MARCHF4: variants seen among roughly 807,000 people sequenced by gnomAD.
MARCHF4 encodes membrane associated ring-CH-type finger 4.
Under a neutral mutation model 43.9 loss-of-function variants are expected in MARCHF4, and 14 were observed. The ratio of observed to expected loss-of-function variants is 0.32; its 90% CI spans 0.21 to 0.50. MARCHF4 has a LOEUF of 0.50. MARCHF4 is among the 20% of genes least tolerant of loss of function. The probability of loss-of-function intolerance (pLI) is 0.98; values close to 1 mark genes in which losing one functional copy is unlikely to be tolerated. For missense variants in MARCHF4, 468 were observed against 536.7 expected (o/e 0.87, Z 1.27); for synonymous variants, 226 against 213.3 (o/e 1.06, Z -0.52).
chr2:216,327,801 G>A (rs1241495192), intron 1 of MARCHF4, among the ~76,000 whole-genome samples: 2 of 152,204 alleles, frequency 1.3e-5, no homozygotes, highest in African/African-American at 4.8e-5. Context: ...TGCCCAGGCA[G>A]AGGGTAAGCA....
intron 1 of MARCHF4, among the ~76,000 whole-genome samples, chr2:216,309,396 G>T (rs966193442): frequency 6.6e-6 from 1 of 152,136 alleles, no homozygotes; most frequent in Non-Finnish European, 1.5e-5. Context: ...ACACAGGCAC[G>T]ATCTCCCTAT....
intron 3 of MARCHF4, among the ~76,000 whole-genome samples, chr2:216,275,154 A>C (rs954010022): frequency 2.4e-4 from 37 of 152,228 alleles, no homozygotes; most frequent in African/African-American, 8.7e-4. Context: ...CTCCCAATAA[A>C]TTGAAGGACT....
At chr2:216,348,755 A>G (rs1430734650) in intron 1 of MARCHF4, among the ~76,000 whole-genome samples, 3 of 152,142 alleles carry the variant, frequency 2.0e-5, no homozygotes, top group Non-Finnish European at 4.4e-5. Context: ...GAAATCCAAG[A>G]ACCCTCTTTT....
chr2:216,339,450 C>T (rs184117672), intron 1 of MARCHF4, among the ~76,000 whole-genome samples: 2 of 152,344 alleles, frequency 1.3e-5, no homozygotes, highest in Non-Finnish European at 2.9e-5. Context: ...GTGCAGGTTG[C>T]TCTGACTCTA....
chr2:216,263,435 A>AAGAG (rs10557836), intron 3 of MARCHF4, among the ~76,000 whole-genome samples: 7 of 137,354 alleles, frequency 5.1e-5, no homozygotes, highest in Non-Finnish European at 9.2e-5. Flanking sequence ...CTGAAAGAGA[A>AAGAG]AGAGAGAGAG....
intron 1 of MARCHF4, among the ~76,000 whole-genome samples, chr2:216,322,837 C>T (rs749135770): frequency 5.3e-5 from 8 of 152,066 alleles, no homozygotes; most frequent in African/African-American, 1.7e-4. Context: ...AAAAAAGAAC[C>T]GGTCTCAAGA....
intron 1 of MARCHF4, among the ~76,000 whole-genome samples, chr2:216,332,133 G>A (rs1477590208): frequency 6.6e-6 from 1 of 152,166 alleles, no homozygotes; most frequent in African/African-American, 2.4e-5. Flanking sequence ...GCTCATGCCT[G>A]TAATCCCAGC....
chr2:216,300,028 G>T (rs868690267), intron 1 of MARCHF4, among the ~76,000 whole-genome samples: 2 of 152,134 alleles, frequency 1.3e-5, no homozygotes, highest in South Asian at 4.1e-4. Flanking sequence ...GGCTTACTTC[G>T]GAGTCAGTGT....
intron 2 of MARCHF4, among the ~76,000 whole-genome samples, chr2:216,281,136 A>G (rs1225025244): frequency 6.9e-6 from 1 of 145,184 alleles, no homozygotes; most frequent in Admixed American, 7.2e-5. Flanking sequence ...TGGCATAATC[A>G]TAGCTCACTA....
chr2:216,315,734 G>A (rs1436417434), intron 1 of MARCHF4, among the ~76,000 whole-genome samples: 2 of 152,114 alleles, frequency 1.3e-5, no homozygotes, highest in Non-Finnish European at 2.9e-5. Context: ...TTCTCTAAGC[G>A]ATGAGATTAC....
intron 1 of MARCHF4, among the ~76,000 whole-genome samples, chr2:216,306,293 A>G (rs190846040): frequency 8.5e-5 from 13 of 152,262 alleles, no homozygotes; most frequent in Non-Finnish European, 1.6e-4. Flanking sequence ...CCCATTTCTA[A>G]TTTAATGTTA....
chr2:216,347,478 T>C (rs1338062916), intron 1 of MARCHF4, among the ~76,000 whole-genome samples: 1 of 152,190 alleles, frequency 6.6e-6, no homozygotes, highest in Admixed American at 6.5e-5. Context: ...TCCGTTTCTC[T>C]TTATCCAGAG....
At position 216,310,316 on chromosome 2, in the gene MARCHF4, C is replaced by T. The variant is rs1287676585; in HGVS notation, c.517-26587G>A. Among the ~76,000 whole-genome samples the T allele has an allele frequency of 2.0e-5, 3 of 152,072 alleles. 1 individual carries two copies. Among genetic ancestry groups the T allele is most frequent in the African/African-American group, 7.2e-5 (3 of 41,404 alleles). ...TCACTCTGTCACCCAGGCTGGAGTG[C>T]AGTGGCATGATCATAGCTCACCGCA... On this transcript the variant is annotated intron_variant, in intron 1 of 3. Transcript: ENST00000273067.
rs183884646 is a variant in MARCHF4 at position 216,362,750 on chromosome 2, G to A, written c.516+6995C>T. Among the ~76,000 whole-genome samples, 54 of 152,214 alleles carry A rather than the reference G, an allele frequency of 3.5e-4. 1 individual carries two copies. The highest frequency in any genetic ancestry group is 1.2e-3 in the South Asian group (6 of 4,824). On this transcript the variant is annotated intron_variant, in intron 1 of 3. Coordinates refer to ENST00000273067, the MANE Select transcript of MARCHF4 (RefSeq NM_020814.3). The stretch of plus-strand genomic sequence containing the variant: ...GTAACTTACTCAATTGTGCTATTTC[G>A]TCATGAGACAGTCAGCCCTGGGTAC...
At chr2:216,302,037 C>T in intron 1 of MARCHF4, among the ~76,000 whole-genome samples, 1 of 151,920 alleles carries the variant, frequency 6.6e-6, no homozygotes, top group East Asian at 1.9e-4. Context: ...AGCAGAACAA[C>T]AAAAAAACGC....
intron 1 of MARCHF4, among the ~76,000 whole-genome samples, chr2:216,369,475 ATGT>A (rs1692718296): frequency 6.6e-6 from 1 of 152,182 alleles, no homozygotes; most frequent in South Asian, 2.1e-4. Context: ...TATTCTGAGG[ATGT>A]TTGTAAAATT....
rs534773588 is a variant in MARCHF4 at position 216,369,801 on chromosome 2, A to G, written c.460T>C (p.Leu154=). The G allele has an allele frequency of 6.2e-7, 1 of 1,613,206 alleles. No homozygotes were observed. Among genetic ancestry groups the G allele is most frequent in the South Asian group, 1.1e-5 (1 of 91,004 alleles). ...AGTGGGGTCCTCATACCACTGTCCAAGCTGCTGCCCAGTGAGTAGCGATCC... is the reference window on the plus strand; with the variant it reads ...AGTGGGGTCCTCATACCACTGTCCAGGCTGCTGCCCAGTGAGTAGCGATCC... ...TEDRYSLGSS[L]DSGMRTPLCR... The change falls in exon 1 of 4, where the codon TTG becomes CTG. Residue 154 remains leucine (L), a synonymous_variant. Transcript: ENST00000273067.
At chr2:216,291,794 C>A (rs1691311218) in intron 1 of MARCHF4, among the ~76,000 whole-genome samples, 1 of 152,216 alleles carries the variant, frequency 6.6e-6, no homozygotes, top group Non-Finnish European at 1.5e-5. Context: ...ATACCAACTA[C>A]TACCTCAAAA....
At chr2:216,312,174 T>A (rs1691697206) in intron 1 of MARCHF4, among the ~76,000 whole-genome samples, 1 of 152,214 alleles carries the variant, frequency 6.6e-6, no homozygotes, top group South Asian at 2.1e-4. Context: ...TGTCCACTTG[T>A]GTCCATTGTT....
Sources: allele counts gnomAD v4.1 joint callset (sites outside exome capture counted in the v4.1 genomes callset), GRCh38; gene constraint gnomAD v4.1.1; transcripts MANE v1.5; gene names NCBI Gene and HGNC (gene_info 2026-07-23, HGNC 2026-07-21).